The following ANXA9 variants were observed in gnomAD, a reference collection of about 807,000 sequenced individuals.
ANXA9 encodes the protein annexin 31.
In ANXA9, 47 loss-of-function variants were observed where a neutral mutation model predicts 51.8. That is an observed-to-expected ratio of 0.91 (90% CI 0.72 to 1.16). The LOEUF (loss-of-function observed/expected upper bound fraction) is 1.16, where lower values mean the gene tolerates loss of function less well. Among genes scored for constraint, ANXA9 ranks in the 50% most tolerant of loss-of-function variants. ANXA9 has a pLI of 0.00. For missense variants in ANXA9, 361 were observed against 424.7 expected (o/e 0.85, Z 1.32); for synonymous variants, 154 against 168.7 (o/e 0.91, Z 0.68).
chr1:150,984,816 C>T lies in ANXA9; in HGVS notation c.472+140C>T, dbSNP rs116722976. Reference sequence around the variant, plus strand: ...ATTCCCTTGGGGTCTTTCCTCTTGCCCCCACCAGTGCCTCAGTCTCTCAGG... The same window carrying T: ...ATTCCCTTGGGGTCTTTCCTCTTGCTCCCACCAGTGCCTCAGTCTCTCAGG... On this transcript the variant is annotated intron_variant, in intron 7 of 13. Transcript: ENST00000368947. 1.6e-3 allele frequency: 1,042 copies of T among 641,040 alleles called. 13 individuals are homozygous for T. The African/African-American group carries it at 0.017, about 11-fold the overall frequency. The allele number at this position is 641,040 out of a possible 1,614,324, so 39.7% of individuals were successfully genotyped here.
At position 150,984,519 on chromosome 1, in the gene ANXA9, G is replaced by A. The variant is rs371333894; in HGVS notation, c.382-67G>A. On this transcript the variant is annotated intron_variant, in intron 6 of 13. Coordinates refer to ENST00000368947, the MANE Select transcript of ANXA9 (RefSeq NM_003568.3). ...TTTCTTAGAAGGAGAAGCAGCCAGC[G>A]TCTGCCCCTCTGTCTGCCATCCTAA... The A allele has an allele frequency of 5.0e-4, 775 of 1,536,140 alleles. 14 individuals carry two copies. In the South Asian group the frequency reaches 7.6e-3, roughly 15 times the overall value.
rs781341084 is a variant in ANXA9 at position 150,984,034 on chromosome 1, C to T, written c.232C>T (p.Leu78Phe). 1.2e-6 allele frequency: 2 copies of T among 1,611,868 alleles called. No homozygotes were observed. Among genetic ancestry groups the T allele is most frequent in the East Asian group, 2.2e-5 (1 of 44,874 alleles). Reference sequence around the variant, plus strand: ...CAACCGGAGCAGAGAGCAAAGGCAGCTCATCTCACGAAACTTCCAGGAGCG... The same window carrying T: ...CAACCGGAGCAGAGAGCAAAGGCAGTTCATCTCACGAAACTTCCAGGAGCG... ...LTNRSREQRQ[L>F]ISRNFQERTQ... The change falls in exon 5 of 14, where the codon CTC (leucine) becomes TTC (phenylalanine). Residue 78 changes from leucine to phenylalanine, a missense_variant. Coordinates refer to ENST00000368947, the MANE Select transcript of ANXA9 (RefSeq NM_003568.3).
At position 150,984,600 on chromosome 1, in the gene ANXA9, T is replaced by C. The variant is rs377306886; in HGVS notation, c.396T>C (p.Ala132=). 3 of 1,614,090 alleles carry C rather than the reference T, an allele frequency of 1.9e-6. No homozygotes were observed. The highest frequency in any genetic ancestry group is 2.5e-6 in the Non-Finnish European group (3 of 1,179,980). Reference sequence around the variant, plus strand: ...ATTTCTTGTAGGCCTCAGATTCTGCTGTGGACGTGGCCATTGAAATTCTTG... The same window carrying C: ...ATTTCTTGTAGGCCTCAGATTCTGCCGTGGACGTGGCCATTGAAATTCTTG... ...LRTALKASDS[A]VDVAIEILAT... The change falls in exon 7 of 14, where the codon GCT becomes GCC. Residue 132 remains alanine (A), a synonymous_variant. Transcript: ENST00000368947.
upstream of ANXA9, among the ~76,000 whole-genome samples, chr1:150,979,846 T>C (rs1008028757): frequency 6.6e-6 from 1 of 152,230 alleles, no homozygotes; most frequent in African/African-American, 2.4e-5. Context: ...TGCCCAGAAC[T>C]CTTCTAAGTG....
chr1:150,981,276 C>A (rs1454302921), upstream of ANXA9, among the ~76,000 whole-genome samples: 1 of 152,214 alleles, frequency 6.6e-6, no homozygotes, highest in Non-Finnish European at 1.5e-5. Context: ...ACTGCAGGTC[C>A]CTCCTCCAGG....
chr1:150,993,633 CTT>C (rs35186445), intron 12 of ANXA9, among the ~76,000 whole-genome samples: 224 of 104,152 alleles, frequency 2.2e-3, no homozygotes, highest in African/African-American at 7.1e-3. Flanking sequence ...TTCTTTCTTT[CTT>C]TTTTTTTTTT....
chr1:150,993,422 C>A (rs1671752084), intron 12 of ANXA9, among the ~76,000 whole-genome samples: 2 of 151,598 alleles, frequency 1.3e-5, no homozygotes, highest in Non-Finnish European at 2.9e-5. Flanking sequence ...AATTCTCCTA[C>A]CTCACCCTCC....
chr1:150,983,042 T>G lies in ANXA9; in HGVS notation c.-16-48T>G, dbSNP rs1028988468. On this transcript the variant is annotated intron_variant, in intron 2 of 13. Coordinates refer to ENST00000368947, the MANE Select transcript of ANXA9 (RefSeq NM_003568.3). The stretch of plus-strand genomic sequence containing the variant: ...TCTCGGGGGGGTCATAAGGAGTCCC[T>G]GAAGGGCCAGGAAATTCAGCTCTGT... The G allele has an allele frequency of 5.3e-6, 8 of 1,512,196 alleles. No individual in the cohort carries two copies. In the African/African-American group the frequency reaches 1.1e-4, roughly 21 times the overall value. 93.7% of individuals were successfully genotyped at this position (1,512,196 alleles called of 1,614,324 possible).
In ANXA9 at chr1:150,994,674, G is replaced by A; in HGVS notation, c.950G>A (p.Gly317Glu). The change falls in exon 13 of 14, where the codon GGG becomes GAG. Residue 317 changes from glycine to glutamate, a missense_variant. Transcript: ENST00000368947. The stretch of plus-strand genomic sequence containing the variant: ...AGAGCTGAGTTCAGGAAGAAATTTG[G>A]GAAGTCCCTCTACTCTTCTCTCCAG... ...SIRAEFRKKF[G>E]KSLYSSLQDA... 2 of 1,613,976 alleles carry A rather than the reference G, an allele frequency of 1.2e-6. 1 individual carries two copies. The highest frequency in any genetic ancestry group is 2.2e-5 in the South Asian group (2 of 91,068).
chr1:150,983,906 C>A, intron 4 of ANXA9, 69 bp from the exon 5 acceptor site: 1 of 1,475,526 alleles, frequency 6.8e-7, no homozygotes, highest in South Asian at 1.2e-5. Context: ...CGCCTTCCCT[C>A]CTCCAAGGAG....
At chr1:150,977,438 C>T (rs1298792120), upstream of ANXA9, among the ~76,000 whole-genome samples, 1 of 152,174 alleles carries the variant, frequency 6.6e-6, no homozygotes, top group African/African-American at 2.4e-5. Flanking sequence ...TGATCACCAC[C>T]CTTCCAACCC....
At chr1:150,994,759 C>A in intron 13 of ANXA9, 60 bp downstream of exon 13, 10 of 1,598,522 alleles carry the variant, frequency 6.3e-6, no homozygotes, top group Non-Finnish European at 8.5e-6. Context: ...CCTCCACCCT[C>A]ACTCCCTGCA....
upstream of ANXA9, among the ~76,000 whole-genome samples, chr1:150,981,773 C>T (rs1470255811): frequency 6.6e-6 from 1 of 152,246 alleles, no homozygotes; most frequent in Non-Finnish European, 1.5e-5. Context: ...TGGGCACTCT[C>T]CACCTAGGTC....
intron 12 of ANXA9, 119 bp downstream of exon 12, chr1:150,988,460 T>A (rs893543369): frequency 1.5e-5 from 18 of 1,227,486 alleles, no homozygotes; most frequent in Non-Finnish European, 2.0e-5. Context: ...CCGCTCTCCT[T>A]CCCAGGGCTT....
chr1:150,989,428 C>T (rs587673446), intron 12 of ANXA9, among the ~76,000 whole-genome samples: 11 of 152,098 alleles, frequency 7.2e-5, no homozygotes, highest in South Asian at 2.1e-4. Context: ...CAGTGGCTCA[C>T]GCCTATAATC....
intron 9 of ANXA9, among the ~76,000 whole-genome samples, chr1:150,987,270 C>T (rs1024982625): frequency 2.6e-5 from 4 of 151,798 alleles, no homozygotes; most frequent in South Asian, 2.1e-4. Context: ...GTGGGAGGAT[C>T]GCTTGAGCCT....
Position 150,988,109 on chromosome 1 carries a change from G to GGAGCACT in ANXA9, c.718_724dup (p.Gly242GlufsTer38). 6.2e-7 allele frequency: 1 copy of GGAGCACT among 1,614,162 alleles called. No individual in the cohort carries two copies. ...ACACAAGTGTTTGATCAGTACCAGC[G>GGAGCACT]GAGCACTGGGCAAGAGCTGGAGGAG... is the stretch of plus-strand genomic sequence containing the variant. On this transcript the variant is annotated frameshift_variant, in exon 11 of 14. Coordinates refer to ENST00000368947, the MANE Select transcript of ANXA9 (RefSeq NM_003568.3). LOFTEE classifies it high-confidence loss of function.
intron 7 of ANXA9, among the ~76,000 whole-genome samples, chr1:150,986,134 C>T (rs1671550423): frequency 6.6e-6 from 1 of 152,170 alleles, no homozygotes; most frequent in Non-Finnish European, 1.5e-5. Flanking sequence ...AGCCACTGCA[C>T]ACCTCACAAC....
intron 12 of ANXA9, among the ~76,000 whole-genome samples, chr1:150,991,853 G>A (rs1671709202): frequency 1.3e-5 from 2 of 150,454 alleles, no homozygotes; most frequent in Admixed American, 6.6e-5. Context: ...TGCAACCTCT[G>A]CCTCCTGGGT....
Sources: allele counts gnomAD v4.1 joint callset (sites outside exome capture counted in the v4.1 genomes callset), GRCh38; gene constraint gnomAD v4.1.1; transcripts MANE v1.5; gene names NCBI Gene and HGNC (gene_info 2026-07-23, HGNC 2026-07-21).